The following SOX5 variants were observed in gnomAD, a reference collection of about 807,000 sequenced individuals.
The protein encoded by SOX5 is SRY-box transcription factor 5.
SOX5 carries 9 observed loss-of-function variants against 92.0 expected under a neutral mutation model. That is an observed-to-expected ratio of 0.10 (90% confidence interval 0.06 to 0.17). The LOEUF is 0.17. Among genes scored for constraint, SOX5 ranks in the 10% least tolerant of loss-of-function variants. SOX5 has a pLI of 1.00. For missense variants in SOX5, 642 were observed against 944.5 expected (o/e 0.68, Z 4.20); for synonymous variants, 344 against 336.3 (o/e 1.02, Z -0.25).
intron 4 of SOX5, among the ~76,000 whole-genome samples, chr12:24,067,671 A>AT (rs1940985539): frequency 1.3e-5 from 2 of 152,214 alleles, no homozygotes; most frequent in African/African-American, 4.8e-5. Context: ...TTTATGGATT[A>AT]TACATACTCT....
At chr12:23,842,982 C>A (rs544546550) in intron 3 of SOX5, among the ~76,000 whole-genome samples, 1 of 152,218 alleles carries the variant, frequency 6.6e-6, no homozygotes, top group East Asian at 1.9e-4. Flanking sequence ...ATGATCAAGG[C>A]CAACACCAAC....
At chr12:24,336,478 G>T (rs1951919126) in intron 2 of SOX5, among the ~76,000 whole-genome samples, 1 of 152,100 alleles carries the variant, frequency 6.6e-6, no homozygotes, top group South Asian at 2.1e-4. Context: ...GAGATTGGGG[G>T]AAAGATCAGT....
intron 3 of SOX5, chr12:24,227,250 C>T (rs151217644): frequency 2.6e-5 from 4 of 152,312 alleles, no homozygotes; most frequent in South Asian, 4.2e-4. Flanking sequence ...CCTCAACAGG[C>T]GCCTGGGGGA....
chr12:23,757,490 T>G (rs1256674577), intron 3 of SOX5, among the ~76,000 whole-genome samples: 2 of 151,950 alleles, frequency 1.3e-5, no homozygotes, highest in East Asian at 1.9e-4. Context: ...CTTCCAACAT[T>G]TCTACATTCC....
intron 9 of SOX5, among the ~76,000 whole-genome samples, chr12:23,603,445 A>AATATATATATATATATATATATAT (rs72370535): frequency 1.3e-4 from 16 of 124,756 alleles, no homozygotes; most frequent in South Asian, 2.6e-4. Flanking sequence ...ATATATATAA[A>AATATATATATATATATATATATAT]ATATATATAT....
At chr12:23,856,456 T>C (rs1476448527) in intron 2 of SOX5, among the ~76,000 whole-genome samples, 1 of 152,162 alleles carries the variant, frequency 6.6e-6, no homozygotes, top group African/African-American at 2.4e-5. Context: ...TTTTAACAAA[T>C]AATTCTCAGA....
rs542705234 is a variant in SOX5 at position 24,269,210 on chromosome 12, C to A, written c.-77+8006G>T. On this transcript the variant is annotated intron_variant, in intron 3 of 4. Coordinates refer to the SOX5 transcript ENST00000446891. The stretch of plus-strand genomic sequence containing the variant: ...GATTGGATTTGATAAATAGTTAAAG[C>A]AAAGAGCTTGCTTATTTGCAAGTAA... 3.3e-5 allele frequency among the ~76,000 whole-genome samples: 5 copies of A among 152,164 alleles called. No homozygotes were observed. In the East Asian group the frequency reaches 7.7e-4, roughly 24 times the overall value.
Position 23,546,428 on chromosome 12 carries a change from T to TA in SOX5, c.1489-5dup, listed in dbSNP as rs769873993. On this transcript the variant is annotated splice_region_variant and splice_polypyrimidine_tract_variant and intron_variant, in intron 11 of 14. Transcript: ENST00000451604. The stretch of plus-strand genomic sequence containing the variant: ...GACTCTCCAGTGTTGTTTTTTCCTT[T>TA]AAAAAAATTATAATGAGAGATCAGT... The TA allele has an allele frequency of 9.6e-5, 145 of 1,518,262 alleles. No individual in the cohort carries two copies. Among genetic ancestry groups the TA allele is most frequent in the South Asian group, 4.7e-4 (41 of 87,316 alleles). 94.0% of individuals were successfully genotyped at this position (1,518,262 alleles called of 1,614,324 possible).
chr12:24,036,032 A>C (rs1358467142), intron 4 of SOX5, among the ~76,000 whole-genome samples: 2 of 152,076 alleles, frequency 1.3e-5, no homozygotes, highest in African/African-American at 2.4e-5. Flanking sequence ...GAATGGGAAA[A>C]TTATACAACA....
At chr12:23,920,377 TA>T (rs1937823855) in intron 1 of SOX5, 2 of 152,232 alleles carry the variant, frequency 1.3e-5, no homozygotes, top group Non-Finnish European at 2.9e-5. Flanking sequence ...TAAGACTGCC[TA>T]TTACAATCTT....
At chr12:24,267,685 GACAAAAAATA>G (rs1318665285) in intron 3 of SOX5, among the ~76,000 whole-genome samples, 1 of 151,940 alleles carries the variant, frequency 6.6e-6, no homozygotes, top group Non-Finnish European at 1.5e-5. Context: ...TCTAAAGAAA[GACAAAAAATA>G]AGCAATTGCT....
intron 1 of SOX5, among the ~76,000 whole-genome samples, chr12:24,547,262 G>A (rs1350207087): frequency 6.7e-6 from 1 of 148,784 alleles, no homozygotes; most frequent in Non-Finnish European, 1.5e-5. Context: ...CGCAATCTCG[G>A]CTCAATGCAA....
At chr12:24,477,599 A>G (rs1337898669) in intron 1 of SOX5, among the ~76,000 whole-genome samples, 1 of 152,160 alleles carries the variant, frequency 6.6e-6, no homozygotes, top group Non-Finnish European at 1.5e-5. Flanking sequence ...ATTTCTCAGT[A>G]CTGTAGAATA....
At chr12:24,064,040 T>G (rs1198844934) in intron 4 of SOX5, among the ~76,000 whole-genome samples, 2 of 152,192 alleles carry the variant, frequency 1.3e-5, no homozygotes, top group Non-Finnish European at 2.9e-5. Flanking sequence ...GTAAGATCCT[T>G]AAGCTCAGCA....
chr12:23,865,691 A>G (rs1384002952), intron 2 of SOX5, among the ~76,000 whole-genome samples: 1 of 152,182 alleles, frequency 6.6e-6, no homozygotes. Flanking sequence ...AACGAAAAAA[A>G]ATACATTTTG....
intron 4 of SOX5, among the ~76,000 whole-genome samples, chr12:24,144,898 T>C (rs1314112217): frequency 6.6e-6 from 1 of 152,010 alleles, no homozygotes; most frequent in Non-Finnish European, 1.5e-5. Context: ...AAAGTTCTCA[T>C]AATATATGGG....
rs144042608 is a variant in SOX5, at chr12:24,315,779, C to T, written c.-173-38467G>A. On this transcript the variant is annotated intron_variant, in intron 2 of 4. Coordinates refer to the SOX5 transcript ENST00000446891. ...AAAGGGAAAGTAGTTCAGATAAAAACCATCCTTGTTGTAACTTTCTAGCAC... is the reference window on the plus strand; with the variant it reads ...AAAGGGAAAGTAGTTCAGATAAAAATCATCCTTGTTGTAACTTTCTAGCAC... Among the ~76,000 whole-genome samples the T allele has an allele frequency of 4.6e-5, 7 of 152,312 alleles. No individual in the cohort carries two copies. In the East Asian group the frequency reaches 1.3e-3, roughly 29 times the overall value.
intron 3 of SOX5, among the ~76,000 whole-genome samples, chr12:24,273,473 A>C (rs532736885): frequency 1.6e-4 from 25 of 152,198 alleles, no homozygotes; most frequent in Admixed American, 3.9e-4. Flanking sequence ...TATTTACCCC[A>C]AAAAAATTTA....
intron 6 of SOX5, among the ~76,000 whole-genome samples, chr12:23,702,708 T>C (rs75239078): frequency 0.064 from 9,679 of 152,024 alleles, 370 homozygotes; most frequent in South Asian, 0.099. Flanking sequence ...ACCAGTGAGC[T>C]AATCTTATGC....
Sources: gnomAD v4.1 joint callset for allele counts (sites outside exome capture counted in the v4.1 genomes callset) on GRCh38, gnomAD v4.1.1 for gene constraint, MANE v1.5 for transcripts, NCBI Gene and HGNC (gene_info 2026-07-23, HGNC 2026-07-21) for gene names.